The following ASIC2 variants were observed in gnomAD, a reference collection of about 807,000 sequenced individuals.
ASIC2 encodes acid-sensing ion channel 2.
In ASIC2, 25 loss-of-function variants were observed where a neutral mutation model predicts 57.3. The observed-to-expected ratio is 0.44, with a 90% CI of 0.32 to 0.61. The LOEUF (loss-of-function observed/expected upper bound fraction) is 0.61, where lower values mean the gene tolerates loss of function less well. ASIC2 is among the 20% of genes least tolerant of loss of function. ASIC2 has a pLI of 0.06. For missense variants in ASIC2, 641 were observed against 738.1 expected (o/e 0.87, Z 1.52); for synonymous variants, 319 against 307.5 (o/e 1.04, Z -0.39).
intron 1 of ASIC2, among the ~76,000 whole-genome samples, chr17:33,369,957 A>C (rs1475640285): frequency 6.6e-6 from 1 of 152,168 alleles, no homozygotes; most frequent in African/African-American, 2.4e-5. Flanking sequence ...CAACTAAATT[A>C]ATCAGATTTC....
At chr17:33,893,993 C>A (rs1342282870) in intron 1 of ASIC2, among the ~76,000 whole-genome samples, 1 of 150,778 alleles carries the variant, frequency 6.6e-6, no homozygotes, top group Non-Finnish European at 1.5e-5. Context: ...GCCCCTTGAG[C>A]ATCATCTGAA....
At chr17:33,299,028 A>C (rs1177459376) in intron 1 of ASIC2, among the ~76,000 whole-genome samples, 1 of 152,238 alleles carries the variant, frequency 6.6e-6, no homozygotes, top group Non-Finnish European at 1.5e-5. Flanking sequence ...GGTAATTTAT[A>C]GATTCAATGC....
intron 1 of ASIC2, among the ~76,000 whole-genome samples, chr17:33,664,889 A>G (rs890628080): frequency 9.2e-5 from 14 of 152,248 alleles, no homozygotes; most frequent in African/African-American, 3.1e-4. Flanking sequence ...TCCTGGTGCT[A>G]TCTCACCATC....
intron 1 of ASIC2, among the ~76,000 whole-genome samples, chr17:33,953,908 G>A (rs1904656947): frequency 6.6e-6 from 1 of 152,174 alleles, no homozygotes; most frequent in Admixed American, 6.5e-5. Flanking sequence ...TGAGGCTTTG[G>A]AATTTAAATT....
Position 33,273,809 on chromosome 17 carries a change from T to C in ASIC2, c.708+17599A>G, listed in dbSNP as rs116157083. On this transcript the variant is annotated intron_variant, in intron 1 of 9. Coordinates refer to ENST00000225823, the MANE Select transcript of ASIC2 (RefSeq NM_183377.2). ...GCCAGTCCTTGAAAAGTTTAAAAAG[T>C]TGGGGGGCCGGAGAGGGGCAGGAAG... is the stretch of plus-strand genomic sequence containing the variant. Among the ~76,000 whole-genome samples the C allele has an allele frequency of 4.0e-3, 607 of 150,994 alleles. 4 individuals are homozygous for C. The highest frequency in any genetic ancestry group is 0.014 in the African/African-American group (587 of 40,994).
chr17:33,797,648 T>G (rs890789097), intron 1 of ASIC2, among the ~76,000 whole-genome samples: 1 of 152,212 alleles, frequency 6.6e-6, no homozygotes, highest in Non-Finnish European at 1.5e-5. Flanking sequence ...TATTTTATTC[T>G]GATAAATGTT....
intron 1 of ASIC2, among the ~76,000 whole-genome samples, chr17:33,497,824 G>A (rs1913983892): frequency 1.3e-5 from 2 of 152,354 alleles, no homozygotes; most frequent in South Asian, 4.1e-4. Context: ...GTCAGAGAAA[G>A]TCACTAGAAT....
chr17:33,053,598 G>C (rs2091986223), intron 3 of ASIC2, among the ~76,000 whole-genome samples: 1 of 152,094 alleles, frequency 6.6e-6, no homozygotes, highest in African/African-American at 2.4e-5. Context: ...TTTGTCTCGT[G>C]TATACCCTCC....
chr17:33,323,780 T>C (rs111771787), intron 1 of ASIC2, among the ~76,000 whole-genome samples: 138 of 152,304 alleles, frequency 9.1e-4, no homozygotes, highest in Non-Finnish European at 1.6e-3. Flanking sequence ...TATGATTCCA[T>C]CTTTATATAA....
At chr17:34,099,630 A>AAAGAAAGAAAAAGAG (rs1567821438) in intron 1 of ASIC2, among the ~76,000 whole-genome samples, 1 of 142,650 alleles carries the variant, frequency 7.0e-6, no homozygotes, top group South Asian at 2.2e-4. Context: ...AAGAAAAAGA[A>AAAGAAAGAAAAAGAG]AAAGAAAGAA....
intron 3 of ASIC2, among the ~76,000 whole-genome samples, chr17:33,058,991 A>G (rs2092009925): frequency 6.6e-6 from 1 of 152,154 alleles, no homozygotes; most frequent in Admixed American, 6.6e-5. Context: ...GGATCAAGGA[A>G]ATGACACTTC....
intron 1 of ASIC2, among the ~76,000 whole-genome samples, chr17:33,260,702 C>T (rs906498630): frequency 6.6e-6 from 1 of 152,184 alleles, no homozygotes; most frequent in Non-Finnish European, 1.5e-5. Context: ...CCGTGATAGT[C>T]ACCTCTCTCC....
At chr17:33,390,787 C>G (rs537345594) in intron 1 of ASIC2, among the ~76,000 whole-genome samples, 79 of 152,364 alleles carry the variant, frequency 5.2e-4, no homozygotes, top group African/African-American at 1.9e-3. Flanking sequence ...GAGCCTCAGT[C>G]TCTTTGGAAC....
chr17:33,021,390 G>A, intron 6 of ASIC2, 80 bp from the exon 7 acceptor site: 1 of 1,170,088 alleles, frequency 8.5e-7, no homozygotes, highest in Non-Finnish European at 1.2e-6. Context: ...CTTTCCCATG[G>A]AAAGATGGAG....
At chr17:34,026,150 T>C (rs1287875748) in intron 1 of ASIC2, among the ~76,000 whole-genome samples, 1 of 152,188 alleles carries the variant, frequency 6.6e-6, no homozygotes, top group Non-Finnish European at 1.5e-5. Flanking sequence ...AGTCTTGCAA[T>C]AAGTTTGCTG....
rs190461062 is a variant in ASIC2 at position 33,706,356 on chromosome 17, A to G, written c.555+449622T>C. Among the ~76,000 whole-genome samples, 123 of 151,492 alleles carry G rather than the reference A, an allele frequency of 8.1e-4. 1 individual carries two copies. Among genetic ancestry groups the G allele is most frequent in the African/African-American group, 2.9e-3 (120 of 41,314 alleles). On this transcript the variant is annotated intron_variant, in intron 1 of 9. Transcript: ENST00000359872. ...CACCTCAGCCTCCCCAGTAGCTGGG[A>G]CTGCAGGTATGTGCCACCATGAATG... is the stretch of plus-strand genomic sequence containing the variant.
chr17:33,265,286 A>G (rs1174763903), intron 1 of ASIC2, among the ~76,000 whole-genome samples: 2 of 152,254 alleles, frequency 1.3e-5, no homozygotes, highest in Non-Finnish European at 2.9e-5. Flanking sequence ...GACTGGATAA[A>G]GAAAATGTGG....
chr17:33,873,499 T>G (rs1041719), intron 1 of ASIC2, among the ~76,000 whole-genome samples: 93,914 of 151,944 alleles, frequency 0.62, 29,145 homozygotes, highest in South Asian at 0.67. Context: ...AGAGAAAAAG[T>G]CAGAAGGATT....
chr17:33,749,349 A>G (rs1349991031), intron 1 of ASIC2, among the ~76,000 whole-genome samples: 1 of 151,100 alleles, frequency 6.6e-6, no homozygotes, highest in African/African-American at 2.4e-5. Context: ...CTGGGAGGAG[A>G]GCGGCGAGGC....
Sources: allele counts gnomAD v4.1 joint callset (sites outside exome capture counted in the v4.1 genomes callset), GRCh38; gene constraint gnomAD v4.1.1; transcripts MANE v1.5; gene names NCBI Gene and HGNC (gene_info 2026-07-23, HGNC 2026-07-21).